Variants in ADGRG6 observed in about 807,000 individuals in gnomAD.
ADGRG6 encodes the protein G-protein coupled receptor 126.
In ADGRG6, 84 loss-of-function variants were observed where a neutral mutation model predicts 142.4. The observed-to-expected ratio is 0.59, with a 90% CI of 0.49 to 0.71. ADGRG6 has a LOEUF of 0.71. Ranked by LOEUF, ADGRG6 falls within the 30% of genes least tolerant of loss-of-function variation. The pLI is 0.00. For synonymous variants in ADGRG6, 521 were observed against 520.5 expected (o/e 1.00, Z -0.01); for missense variants, 1,367 against 1,466.6 (o/e 0.93, Z 1.11).
chr6:142,310,845 G>T (rs911065583), intron 2 of ADGRG6, among the ~76,000 whole-genome samples: 2 of 151,722 alleles, frequency 1.3e-5, no homozygotes, highest in African/African-American at 4.8e-5. Flanking sequence ...TTAAAGATAG[G>T]TTTTATGATG....
chr6:142,397,913 A>T lies in ADGRG6; in HGVS notation c.1567+158A>T, dbSNP rs1389784232. Among the ~76,000 whole-genome samples, 2 of 152,224 alleles carry T rather than the reference A, an allele frequency of 1.3e-5. 1 individual carries two copies. The highest frequency in any genetic ancestry group is 3.8e-4 in the East Asian group (2 of 5,200). On this transcript the variant is annotated intron_variant, in intron 10 of 24. Transcript: ENST00000367609. Reference sequence around the variant, plus strand: ...ACAAATGAATGACATAGCAGAAAAAAAAAATCAGCTCAGTGTCTGTGAATC... The same window carrying T: ...ACAAATGAATGACATAGCAGAAAAATAAAATCAGCTCAGTGTCTGTGAATC...
chr6:142,391,996 G>C (rs889302815), intron 7 of ADGRG6, among the ~76,000 whole-genome samples: 4 of 151,772 alleles, frequency 2.6e-5, no homozygotes, highest in Non-Finnish European at 5.9e-5. Context: ...CTCATCTGCA[G>C]CTAAACTTTA....
chr6:142,308,365 T>A (rs1267247377), intron 1 of ADGRG6, among the ~76,000 whole-genome samples: 12 of 151,982 alleles, frequency 7.9e-5, no homozygotes, highest in African/African-American at 2.7e-4. Context: ...CTTATTCTCT[T>A]GGCTATGAGA....
At chr6:142,423,764 A>G (rs1433500317) in intron 22 of ADGRG6, among the ~76,000 whole-genome samples, 1 of 133,150 alleles carries the variant, frequency 7.5e-6, no homozygotes, top group Non-Finnish European at 1.6e-5. Context: ...CTTGGGCAGT[A>G]TGGCCATTTT....
chr6:142,339,169 A>G (rs1357633281), intron 2 of ADGRG6, among the ~76,000 whole-genome samples: 1 of 152,204 alleles, frequency 6.6e-6, no homozygotes, highest in East Asian at 1.9e-4. Flanking sequence ...GGGATCCTAC[A>G]GAGAATCTGA....
chr6:142,412,766 A>C (rs1185606025), intron 18 of ADGRG6, among the ~76,000 whole-genome samples: 1 of 152,116 alleles, frequency 6.6e-6, no homozygotes, highest in Non-Finnish European at 1.5e-5. Flanking sequence ...TTCAAAGAAC[A>C]CTTATTTTTT....
At chr6:142,355,770 TACTC>T (rs1345796648) in intron 2 of ADGRG6, among the ~76,000 whole-genome samples, 1 of 150,456 alleles carries the variant, frequency 6.6e-6, no homozygotes, top group Non-Finnish European at 1.5e-5. Flanking sequence ...GGTGTGCCCT[TACTC>T]ACCCACCGAG....
intron 1 of ADGRG6, among the ~76,000 whole-genome samples, chr6:142,304,258 C>T (rs1777372768): frequency 6.6e-6 from 1 of 152,022 alleles, no homozygotes; most frequent in Admixed American, 6.6e-5. Context: ...TATTTTCTGC[C>T]TCCTCCTTGT....
intron 3 of ADGRG6, among the ~76,000 whole-genome samples, chr6:142,369,220 A>G (rs1163113590): frequency 1.3e-5 from 2 of 152,212 alleles, no homozygotes; most frequent in East Asian, 1.9e-4. Context: ...TTATATTAGC[A>G]TAGGGCTAAA....
rs140983017 is a variant in ADGRG6 at position 142,349,250 on chromosome 6, A to G, written c.104-18319A>G. 2.1e-4 allele frequency among the ~76,000 whole-genome samples: 32 copies of G among 152,354 alleles called. No homozygotes were observed. In the East Asian group the frequency reaches 6.0e-3, roughly 28 times the overall value. ...CCTGAAACACCAGACTCTGAGATAGAGATTAGAATGCAGGGGGTTGGTCAG... is the reference window on the plus strand; with the variant it reads ...CCTGAAACACCAGACTCTGAGATAGGGATTAGAATGCAGGGGGTTGGTCAG... On this transcript the variant is annotated intron_variant, in intron 2 of 24. Transcript: ENST00000367609.
chr6:142,318,198 TATTA>T, intron 2 of ADGRG6, among the ~76,000 whole-genome samples: 2 of 47,482 alleles, frequency 4.2e-5, no homozygotes, highest in Non-Finnish European at 7.4e-5. Flanking sequence ...TATATATTTA[TATTA>T]TATATATTTA....
chr6:142,390,855 C>CTA (rs1454096329), intron 7 of ADGRG6, among the ~76,000 whole-genome samples: 1 of 151,758 alleles, frequency 6.6e-6, no homozygotes, highest in Non-Finnish European at 1.5e-5. Flanking sequence ...GAAAATTAAA[C>CTA]TATAGATTCT....
intron 2 of ADGRG6, among the ~76,000 whole-genome samples, chr6:142,353,970 A>G (rs1780316132): frequency 6.6e-6 from 1 of 152,144 alleles, no homozygotes; most frequent in Non-Finnish European, 1.5e-5. Flanking sequence ...GCAATGTGCT[A>G]TTTCTAGTCA....
At chr6:142,302,532 T>G (rs1395273797) in intron 1 of ADGRG6, 1 of 548,132 alleles carries the variant, frequency 1.8e-6, no homozygotes, top group Admixed American at 3.6e-5. Context: ...AGTTGTGACA[T>G]GTGTGTGTGG....
At chr6:142,338,802 A>G (rs1354803224) in intron 2 of ADGRG6, among the ~76,000 whole-genome samples, 1 of 152,166 alleles carries the variant, frequency 6.6e-6, no homozygotes, top group African/African-American at 2.4e-5. Flanking sequence ...AAAAATAGTA[A>G]TGCCTATATG....
At chr6:142,333,312 G>A (rs1292683692) in intron 2 of ADGRG6, among the ~76,000 whole-genome samples, 1 of 152,068 alleles carries the variant, frequency 6.6e-6, no homozygotes, top group Non-Finnish European at 1.5e-5. Context: ...TCATCACCAA[G>A]CATATTTGTT....
chr6:142,390,475 A>T, intron 7 of ADGRG6, 132 bp downstream of exon 7: 1 of 487,226 alleles, frequency 2.1e-6, no homozygotes, highest in Non-Finnish European at 3.8e-6. Flanking sequence ...ATGAGTAGAT[A>T]TGTAAGTGAG....
intron 2 of ADGRG6, among the ~76,000 whole-genome samples, chr6:142,363,131 G>T (rs1254272160): frequency 2.0e-5 from 3 of 152,018 alleles, no homozygotes; most frequent in African/African-American, 7.2e-5. Context: ...AATTCATTTT[G>T]TTCACCATTT....
At chr6:142,395,313 C>T (rs541242884) in intron 9 of ADGRG6, among the ~76,000 whole-genome samples, 1 of 152,174 alleles carries the variant, frequency 6.6e-6, no homozygotes, top group South Asian at 2.1e-4. Context: ...TTTTTTCAAT[C>T]CTTTCTGTTA....
Sources: allele counts gnomAD v4.1 joint callset (sites outside exome capture counted in the v4.1 genomes callset), GRCh38; gene constraint gnomAD v4.1.1; transcripts MANE v1.5; gene names NCBI Gene and HGNC (gene_info 2026-07-23, HGNC 2026-07-21).